The following MEGF10 variants were observed in gnomAD, a reference collection of about 807,000 sequenced individuals.
The protein encoded by MEGF10 is multiple epidermal growth factor-like domains protein 10.
Under a neutral mutation model 147.5 loss-of-function variants are expected in MEGF10, and 86 were observed. The ratio of observed to expected loss-of-function variants is 0.58; its 90% confidence interval spans 0.49 to 0.70. The LOEUF (loss-of-function observed/expected upper bound fraction) is 0.70. Among genes scored for constraint, MEGF10 ranks in the 30% least tolerant of loss-of-function variants. MEGF10 has a pLI of 0.00. For missense variants in MEGF10, 1,329 were observed against 1,487.3 expected, an observed-to-expected ratio of 0.89 and a Z score of 1.75; for synonymous variants, 478 against 525.5, an observed-to-expected ratio of 0.91 and a Z score of 1.24.
chr5:127,310,465 A>C (rs1203113921), intron 1 of MEGF10, among the ~76,000 whole-genome samples: 1 of 152,124 alleles, frequency 6.6e-6, no homozygotes. Context: ...TTTTAGTATC[A>C]TATCCAAGAA....
the MEGF10 span, among the ~76,000 whole-genome samples, chr5:127,266,463 C>A: frequency 6.6e-6 from 1 of 152,150 alleles, no homozygotes; most frequent in Non-Finnish European, 1.5e-5. Flanking sequence ...TGAAGAAAGT[C>A]ATTGGTAGCT....
At chr5:127,421,183 A>C (rs927699757) in intron 12 of MEGF10, among the ~76,000 whole-genome samples, 1 of 152,202 alleles carries the variant, frequency 6.6e-6, no homozygotes. Flanking sequence ...ATTGTAGACA[A>C]AGCAAAGCCC....
chr5:127,285,931 A>G (rs1365527843), upstream of MEGF10, among the ~76,000 whole-genome samples: 6 of 152,130 alleles, frequency 3.9e-5, no homozygotes, highest in African/African-American at 7.2e-5. Flanking sequence ...CAATTGATGA[A>G]TGGATTAAAA....
intron 5 of MEGF10, among the ~76,000 whole-genome samples, chr5:127,386,154 C>T (rs535712910): frequency 3.3e-5 from 5 of 152,312 alleles, no homozygotes; most frequent in Admixed American, 3.3e-4. Flanking sequence ...CTGACCTGCT[C>T]AGTTCACCTA....
At chr5:127,416,263 C>T (rs566586429) in intron 9 of MEGF10, among the ~76,000 whole-genome samples, 1 of 151,996 alleles carries the variant, frequency 6.6e-6, no homozygotes, top group East Asian at 2.0e-4. Flanking sequence ...CTCCTGACCT[C>T]GTGATCCGCC....
intron 18 of MEGF10, 149 bp downstream of exon 18, chr5:127,441,016 TC>T: frequency 9.8e-7 from 1 of 1,018,618 alleles, no homozygotes; most frequent in Non-Finnish European, 1.4e-6. Context: ...TGACTTCCCC[TC>T]CCAGAGGTCA....
chr5:127,229,524 C>T, the MEGF10 span: 1 of 152,028 alleles, frequency 6.6e-6, no homozygotes, highest in Non-Finnish European at 1.5e-5. Context: ...CGGGGAGGCG[C>T]GTCATGTGCA....
intron 4 of MEGF10, among the ~76,000 whole-genome samples, chr5:127,346,135 A>G (rs997226188): frequency 6.6e-6 from 1 of 151,976 alleles, no homozygotes; most frequent in African/African-American, 2.4e-5. Flanking sequence ...TTGTTCCTTA[A>G]TTTTGCAATT....
chr5:127,320,811 G>T (rs564089142), intron 1 of MEGF10, among the ~76,000 whole-genome samples: 193 of 152,336 alleles, frequency 1.3e-3, no homozygotes, highest in South Asian at 2.5e-3. Context: ...CCTGCTGCGA[G>T]ATACCTGTGG....
At chr5:127,326,451 G>A (rs1269193622) in intron 1 of MEGF10, among the ~76,000 whole-genome samples, 3 of 152,166 alleles carry the variant, frequency 2.0e-5, no homozygotes, top group Non-Finnish European at 4.4e-5. Flanking sequence ...GAGAAGTCAT[G>A]CTAATGCCTT....
chr5:127,264,727 A>T, the MEGF10 span, among the ~76,000 whole-genome samples: 2 of 152,196 alleles, frequency 1.3e-5, no homozygotes, highest in African/African-American at 4.8e-5. Flanking sequence ...TCCTAAATAC[A>T]TGATAAAAAC....
chr5:127,458,499 G>GA lies in MEGF10; in HGVS notation c.*1187dup, dbSNP rs930900370. On this transcript the variant is annotated 3_prime_UTR_variant, in exon 25 of 25. Coordinates refer to ENST00000503335, the MANE Select transcript of MEGF10 (RefSeq NM_001256545.2). ...GTTTTGTAGTGTTTGGATTGTTAAT[G>GA]AAAAAATATTATATGTTCGTTATTC... 8 of 152,034 alleles carry GA rather than the reference G, an allele frequency of 5.3e-5. No homozygotes were observed. The highest frequency in any genetic ancestry group is 1.7e-4 in the African/African-American group (7 of 41,386). The allele number at this position is 152,034 out of a possible 1,614,324, so 9.4% of individuals were successfully genotyped here.
Position 127,455,574 on chromosome 5 carries a change from T to C in MEGF10, c.3199T>C (p.Ser1067Pro). The change falls in exon 24 of 25, where the codon TCA (serine) becomes CCA (proline). Residue 1067 changes from serine (S) to proline (P), a missense_variant. Physicochemically the swap from Ser to Pro is moderately conservative, Grantham distance 74. This residue lies in a region of MEGF10 where 343 missense variants were observed against 377.9 expected (regional missense o/e 0.91). Transcript: ENST00000503335. Reference protein sequence around the residue: ...RDSPYAEINNSTSANRNVYEV... With the variant: ...RDSPYAEINNPTSANRNVYEV... ...TTCCCCATATGCAGAGATCAATAACTCAACTTCAGCCAACAGGAATGTCTA... is the reference window on the plus strand; with the variant it reads ...TTCCCCATATGCAGAGATCAATAACCCAACTTCAGCCAACAGGAATGTCTA... 6.2e-7 allele frequency: 1 copy of C among 1,614,100 alleles called. No individual in the cohort carries two copies. Among genetic ancestry groups the C allele is most frequent in the Non-Finnish European group, 8.5e-7 (1 of 1,180,014 alleles).
At chr5:127,252,233 C>CTT in the MEGF10 span, among the ~76,000 whole-genome samples, 1 of 147,242 alleles carries the variant, frequency 6.8e-6, no homozygotes, top group Non-Finnish European at 1.5e-5. Context: ...TTAAAACTGC[C>CTT]TTTTTTTTTT....
rs1288442984 is a variant in MEGF10 at position 127,394,951 on chromosome 5, T to A, written c.413-1581T>A. On this transcript the variant is annotated intron_variant, in intron 5 of 24. Transcript: ENST00000503335. Reference sequence around the variant, plus strand: ...TGATATTATGAAATCCAAGGTAGAGTCTAATATTGGAAGACGAATTCAGTA... The same window carrying A: ...TGATATTATGAAATCCAAGGTAGAGACTAATATTGGAAGACGAATTCAGTA... Among the ~76,000 whole-genome samples, 3 of 152,130 alleles carry A rather than the reference T, an allele frequency of 2.0e-5. No individual in the cohort carries two copies. The South Asian group carries it at 6.2e-4, about 32-fold the overall frequency.
intron 4 of MEGF10, among the ~76,000 whole-genome samples, chr5:127,345,897 C>G (rs968021053): frequency 9.2e-5 from 14 of 152,112 alleles, no homozygotes; most frequent in African/African-American, 3.4e-4. Context: ...ATTCGTATGC[C>G]TTTGCATCCT....
intron 19 of MEGF10, chr5:127,444,717 G>A (rs1035302492): frequency 6.6e-6 from 1 of 152,234 alleles, no homozygotes; most frequent in Non-Finnish European, 1.5e-5. Context: ...TTAGGGTAAT[G>A]CTATCAGGTA....
the MEGF10 span, among the ~76,000 whole-genome samples, chr5:127,276,193 G>A: frequency 6.6e-6 from 1 of 152,304 alleles, no homozygotes; most frequent in East Asian, 1.9e-4. Flanking sequence ...TGAAGACTCC[G>A]AGGTAAATTA....
chr5:127,347,377 C>A (rs1761928886), intron 4 of MEGF10, among the ~76,000 whole-genome samples: 1 of 151,898 alleles, frequency 6.6e-6, no homozygotes, highest in African/African-American at 2.4e-5. Context: ...CAAACACATT[C>A]CAATATATTT....
Sources: gnomAD v4.1 joint callset for allele counts (sites outside exome capture counted in the v4.1 genomes callset) on GRCh38, gnomAD v4.1.1 for gene constraint, gnomAD v4.1.1 regional missense constraint, MANE v1.5 for transcripts, NCBI Gene and HGNC (gene_info 2026-07-23, HGNC 2026-07-21) for gene names.